The following IFTAP variants were observed in gnomAD, a reference collection of about 807,000 sequenced individuals.
IFTAP encodes intraflagellar transport associated protein.
IFTAP carries 19 observed loss-of-function variants against 19.4 expected under a neutral mutation model. That is an observed-to-expected ratio of 0.98 (90% CI 0.68 to 1.44). The LOEUF (loss-of-function observed/expected upper bound fraction) is 1.44, where lower values mean the gene tolerates loss of function less well. IFTAP is among the 40% of genes most tolerant of loss of function. The pLI is 0.00. For missense variants in IFTAP, 240 were observed against 253.6 expected (o/e 0.95, Z 0.36); for synonymous variants, 85 against 83.5 (o/e 1.02, Z -0.10).
intron 2 of IFTAP, among the ~76,000 whole-genome samples, chr11:36,620,894 C>A (rs867925482): frequency 3.3e-5 from 5 of 151,614 alleles, no homozygotes; most frequent in Admixed American, 6.6e-5. Flanking sequence ...AGATACACAT[C>A]TTTTCAATTT....
At chr11:36,595,747 T>A (rs1851196882) in intron 1 of IFTAP, among the ~76,000 whole-genome samples, 2 of 152,260 alleles carry the variant, frequency 1.3e-5, no homozygotes, top group African/African-American at 4.8e-5. Context: ...GATTTGCATA[T>A]AGTAGACGAT....
chr11:36,633,152 C>A, intron 2 of IFTAP, 132 bp from the exon 3 acceptor site: 1 of 747,720 alleles, frequency 1.3e-6, no homozygotes, highest in Non-Finnish European at 2.0e-6. Flanking sequence ...TGCTTAATGC[C>A]TCAAGGGTTC....
intron 4 of IFTAP, among the ~76,000 whole-genome samples, chr11:36,639,416 A>G (rs1431461376): frequency 1.3e-5 from 2 of 152,162 alleles, no homozygotes; most frequent in East Asian, 3.9e-4. Flanking sequence ...CAGGTTCTCC[A>G]GTACTGTACT....
At chr11:36,645,761 A>G (rs1035271882) in intron 4 of IFTAP, among the ~76,000 whole-genome samples, 6 of 151,796 alleles carry the variant, frequency 4.0e-5, no homozygotes, top group African/African-American at 1.5e-4. Context: ...TTATTCTTTG[A>G]TTGATTTTAT....
intron 2 of IFTAP, among the ~76,000 whole-genome samples, chr11:36,619,503 G>A (rs1196151232): frequency 6.6e-6 from 1 of 151,910 alleles, no homozygotes; most frequent in Admixed American, 6.6e-5. Context: ...TTTCAGAGCA[G>A]GAAAGGAATT....
intron 4 of IFTAP, among the ~76,000 whole-genome samples, 192 bp from the exon 5 acceptor site, chr11:36,647,824 C>T (rs892666124): frequency 1.3e-5 from 2 of 152,110 alleles, no homozygotes; most frequent in Non-Finnish European, 2.9e-5. Flanking sequence ...AAAATAAATG[C>T]ACTAATGGCT....
chr11:36,608,857 A>G (rs1353892637), intron 1 of IFTAP, among the ~76,000 whole-genome samples: 1 of 152,176 alleles, frequency 6.6e-6, no homozygotes, highest in Non-Finnish European at 1.5e-5. Flanking sequence ...AGGACTTGAA[A>G]CCATGTCATA....
intron 1 of IFTAP, among the ~76,000 whole-genome samples, chr11:36,601,209 GT>G (rs1342275941): frequency 3.9e-5 from 6 of 152,210 alleles, no homozygotes; most frequent in Non-Finnish European, 7.3e-5. Context: ...AATGATTAGT[GT>G]TTTACTAAGT....
chr11:36,621,129 G>T (rs1442978642), intron 2 of IFTAP, among the ~76,000 whole-genome samples: 1 of 151,790 alleles, frequency 6.6e-6, no homozygotes, highest in African/African-American at 2.4e-5. Context: ...ATTTTTATTC[G>T]TTGTTGCTAA....
chr11:36,656,426 C>A (rs1281854221), intron 5 of IFTAP, among the ~76,000 whole-genome samples: 1 of 152,018 alleles, frequency 6.6e-6, no homozygotes. Context: ...AAAAATTAGC[C>A]AGGCCTGGTG....
chr11:36,634,091 A>G (rs1297934558), intron 3 of IFTAP, among the ~76,000 whole-genome samples: 2 of 152,134 alleles, frequency 1.3e-5, no homozygotes, highest in Admixed American at 6.5e-5. Context: ...ATATGTTTAT[A>G]TACAGCAGAT....
chr11:36,627,635 G>C (rs1328425827), intron 2 of IFTAP, among the ~76,000 whole-genome samples: 1 of 151,352 alleles, frequency 6.6e-6, no homozygotes, highest in East Asian at 1.9e-4. Context: ...TGCTCTGTTA[G>C]GAATTCTGGA....
At chr11:36,647,357 A>G (rs1001492727) in intron 4 of IFTAP, among the ~76,000 whole-genome samples, 5 of 152,108 alleles carry the variant, frequency 3.3e-5, no homozygotes, top group Admixed American at 1.3e-4. Flanking sequence ...TCCATGTACT[A>G]TCATACCTGC....
intron 2 of IFTAP, among the ~76,000 whole-genome samples, chr11:36,622,909 A>G (rs1852358943): frequency 6.6e-6 from 1 of 152,162 alleles, no homozygotes; most frequent in Admixed American, 6.6e-5. Context: ...TGTACGTGGT[A>G]TATTGTATGG....
chr11:36,613,364 C>G (rs563331505), intron 2 of IFTAP, among the ~76,000 whole-genome samples: 1 of 152,066 alleles, frequency 6.6e-6, no homozygotes, highest in South Asian at 2.1e-4. Flanking sequence ...TATAGAAACA[C>G]TGATGTGAAT....
chr11:36,633,514 C>A, intron 3 of IFTAP, 76 bp downstream of exon 3: 1 of 1,154,864 alleles, frequency 8.7e-7, no homozygotes, highest in Non-Finnish European at 1.2e-6. Context: ...AAAAGAGACC[C>A]TACTAAACAC....
chr11:36,651,670 G>T (rs948818919), intron 5 of IFTAP, among the ~76,000 whole-genome samples: 3 of 152,166 alleles, frequency 2.0e-5, no homozygotes, highest in Non-Finnish European at 2.9e-5. Flanking sequence ...TTCTTCTAGG[G>T]TTTTTATGGT....
At chr11:36,653,933 G>T (rs186408335) in intron 5 of IFTAP, among the ~76,000 whole-genome samples, 1 of 152,246 alleles carries the variant, frequency 6.6e-6, no homozygotes, top group African/African-American at 2.4e-5. Context: ...CGTGGTTGGG[G>T]TCATTCTGTC....
intron 2 of IFTAP, among the ~76,000 whole-genome samples, chr11:36,611,591 TAACGA>T (rs1488154610): frequency 1.3e-5 from 2 of 152,024 alleles, no homozygotes; most frequent in African/African-American, 4.8e-5. Flanking sequence ...GTAGTAGTTA[TAACGA>T]AAAGAAAATA....
Sources: gnomAD v4.1 joint callset for allele counts (sites outside exome capture counted in the v4.1 genomes callset) on GRCh38, gnomAD v4.1.1 for gene constraint, MANE v1.5 for transcripts, NCBI Gene and HGNC (gene_info 2026-07-23, HGNC 2026-07-21) for gene names.